The following SPAG16 variants were observed in gnomAD, a reference collection of about 807,000 sequenced individuals.
The protein encoded by SPAG16 is sperm associated antigen 16.
In SPAG16, 86 loss-of-function variants were observed where a neutral mutation model predicts 80.4. The observed-to-expected ratio is 1.07, with a 90% CI of 0.90 to 1.28. The LOEUF is 1.28. Ranked by LOEUF, SPAG16 falls within the 50% of genes most tolerant of loss-of-function variation. The pLI, the probability that SPAG16 is intolerant of heterozygous loss-of-function variation, is 0.00. For synonymous variants in SPAG16, 294 were observed against 265.9 expected (o/e 1.11, Z -1.03); for missense variants, 870 against 765.3 (o/e 1.14, Z -1.61).
Position 213,838,758 on chromosome 2 carries a change from A to G in SPAG16, c.1071-23727A>G, listed in dbSNP as rs564752222. On this transcript the variant is annotated intron_variant, in intron 10 of 15. Transcript: ENST00000331683. ...CAAAATTACTTTCCTTGTAAAGGTT[A>G]AAGCAAAGGAAATTTTCTTATGCCA... Among the ~76,000 whole-genome samples the G allele has an allele frequency of 2.1e-3, 325 of 152,328 alleles. 4 individuals are homozygous for G. Among genetic ancestry groups the G allele is most frequent in the Non-Finnish European group, 3.5e-3 (238 of 68,030 alleles).
chr2:214,386,635 A>G (rs1700771309), intron 15 of SPAG16, among the ~76,000 whole-genome samples: 1 of 151,980 alleles, frequency 6.6e-6, no homozygotes, highest in African/African-American at 2.4e-5. Context: ...GCTGCGGCAG[A>G]TAGAGCACTT....
chr2:213,983,212 A>G (rs1392450898), intron 12 of SPAG16, among the ~76,000 whole-genome samples: 1 of 151,982 alleles, frequency 6.6e-6, no homozygotes, highest in Non-Finnish European at 1.5e-5. Flanking sequence ...GATTGATAAC[A>G]TTATTTGGAA....
chr2:214,213,867 C>T (rs2058358016), intron 15 of SPAG16, among the ~76,000 whole-genome samples: 1 of 152,052 alleles, frequency 6.6e-6, no homozygotes, highest in South Asian at 2.1e-4. Flanking sequence ...AAGGTCATGG[C>T]CTTTATGAAC....
At chr2:214,205,559 C>A (rs557172073) in intron 15 of SPAG16, among the ~76,000 whole-genome samples, 1 of 152,234 alleles carries the variant, frequency 6.6e-6, no homozygotes, top group South Asian at 2.1e-4. Flanking sequence ...ATTGGTCACA[C>A]ATCAGCTTGA....
chr2:214,386,904 G>T (rs914791296), intron 15 of SPAG16, among the ~76,000 whole-genome samples: 1 of 150,878 alleles, frequency 6.6e-6, no homozygotes, highest in Middle Eastern at 3.2e-3. Context: ...GAAATAGGGA[G>T]AACTACTTTG....
chr2:213,387,114 C>CT (rs1241719945), intron 9 of SPAG16, among the ~76,000 whole-genome samples: 1 of 151,860 alleles, frequency 6.6e-6, no homozygotes, highest in Non-Finnish European at 1.5e-5. Flanking sequence ...ATAGAATTTC[C>CT]TTTTTTGTTG....
At chr2:213,955,558 A>G (rs1428223124) in intron 12 of SPAG16, among the ~76,000 whole-genome samples, 1 of 152,168 alleles carries the variant, frequency 6.6e-6, no homozygotes, top group Non-Finnish European at 1.5e-5. Context: ...TATCCTTATA[A>G]TAGTACCACA....
chr2:214,236,778 T>C (rs1371548874), intron 15 of SPAG16, among the ~76,000 whole-genome samples: 2 of 152,200 alleles, frequency 1.3e-5, no homozygotes, highest in African/African-American at 4.8e-5. Flanking sequence ...TTTAGGTGTC[T>C]TCTGGATTCA....
intron 15 of SPAG16, among the ~76,000 whole-genome samples, chr2:214,202,766 A>G (rs1258657127): frequency 6.6e-6 from 1 of 152,226 alleles, no homozygotes; most frequent in Non-Finnish European, 1.5e-5. Context: ...AATCTAAGAT[A>G]CACAAATAAA....
At chr2:213,466,920 T>C (rs907264428) in intron 9 of SPAG16, among the ~76,000 whole-genome samples, 2 of 152,134 alleles carry the variant, frequency 1.3e-5, no homozygotes, top group African/African-American at 4.8e-5. Context: ...CAAACAAATA[T>C]TGAGAGGCAG....
At chr2:213,969,368 TG>T (rs2044889474) in intron 12 of SPAG16, among the ~76,000 whole-genome samples, 1 of 152,156 alleles carries the variant, frequency 6.6e-6, no homozygotes, top group African/African-American at 2.4e-5. Flanking sequence ...AATCCTGATA[TG>T]GTTTGAATGT....
At chr2:214,370,375 G>T (rs1699733605) in intron 15 of SPAG16, among the ~76,000 whole-genome samples, 1 of 151,952 alleles carries the variant, frequency 6.6e-6, no homozygotes. Flanking sequence ...CATTTTGATT[G>T]CTGTGCTGTG....
chr2:213,549,554 G>T (rs967524798), intron 10 of SPAG16, among the ~76,000 whole-genome samples: 16 of 152,216 alleles, frequency 1.1e-4, no homozygotes, highest in African/African-American at 3.9e-4. Flanking sequence ...CAACTTGGTT[G>T]TCTCTATCTT....
At chr2:213,914,628 G>A (rs2077861584) in intron 11 of SPAG16, among the ~76,000 whole-genome samples, 1 of 152,022 alleles carries the variant, frequency 6.6e-6, no homozygotes, top group South Asian at 2.1e-4. Context: ...TTGATGTGTT[G>A]CCATTCAGTT....
chr2:214,377,563 T>A (rs1700203119), intron 15 of SPAG16, among the ~76,000 whole-genome samples: 1 of 152,222 alleles, frequency 6.6e-6, no homozygotes, highest in Admixed American at 6.5e-5. Context: ...AACTACAGTA[T>A]TTAGGACATA....
chr2:214,207,669 C>T (rs1225022219), intron 15 of SPAG16, among the ~76,000 whole-genome samples: 1 of 152,082 alleles, frequency 6.6e-6, no homozygotes, highest in Non-Finnish European at 1.5e-5. Context: ...AGTATTGTTT[C>T]TGGGTGTGTC....
intron 13 of SPAG16, among the ~76,000 whole-genome samples, chr2:214,066,941 C>A (rs866858606): frequency 6.6e-6 from 1 of 152,062 alleles, no homozygotes; most frequent in East Asian, 1.9e-4. Context: ...TTGTAATTTC[C>A]AGAACTGTCA....
chr2:213,633,655 A>T (rs1211040791), intron 10 of SPAG16, among the ~76,000 whole-genome samples: 1 of 152,112 alleles, frequency 6.6e-6, no homozygotes, highest in Non-Finnish European at 1.5e-5. Flanking sequence ...TATTGGGACT[A>T]TCTCTCTCTT....
chr2:214,018,320 A>G (rs2047692003), intron 13 of SPAG16, among the ~76,000 whole-genome samples: 1 of 152,174 alleles, frequency 6.6e-6, no homozygotes, highest in African/African-American at 2.4e-5. Flanking sequence ...ACTGTTATAT[A>G]CATTGTTTTT....
Sources: gnomAD v4.1 joint callset for allele counts (sites outside exome capture counted in the v4.1 genomes callset) on GRCh38, gnomAD v4.1.1 for gene constraint, MANE v1.5 for transcripts, NCBI Gene and HGNC (gene_info 2026-07-23, HGNC 2026-07-21) for gene names.